The following ADGRV1 variants were observed in gnomAD, a reference collection of about 807,000 sequenced individuals.
ADGRV1 encodes the protein adhesion G protein-coupled receptor V1, also known as G-protein coupled receptor 98.
In ADGRV1, 359 loss-of-function variants were observed where a neutral mutation model predicts 596.2. The ratio of observed to expected loss-of-function variants is 0.60; its 90% CI spans 0.55 to 0.66. The LOEUF (loss-of-function observed/expected upper bound fraction) is 0.66, where lower values mean the gene tolerates loss of function less well. Among genes scored for constraint, ADGRV1 ranks in the 30% least tolerant of loss-of-function variants. ADGRV1 has a pLI of 0.00. For missense variants in ADGRV1, 7,274 were observed against 7,575.6 expected (o/e 0.96, Z 1.48); for synonymous variants, 2,681 against 2,679.2 (o/e 1.00, Z -0.02).
rs1220134462 is a variant in ADGRV1 at position 90,564,862 on chromosome 5, G to A, written c.22+5945G>A. 4.8e-4 allele frequency among the ~76,000 whole-genome samples: 13 copies of A among 26,884 alleles called. 2 individuals are homozygous for A. The highest frequency in any genetic ancestry group is 8.7e-4 in the Non-Finnish European group (12 of 13,744). The allele number at this position is 26,884 out of a possible 152,430, so 17.6% of individuals were successfully genotyped here. A position where few individuals can be genotyped will look rare whatever the true frequency, so the allele number is the denominator to read the frequency against. ...AGGATGGTCTCGATCTCCTGACCTC[G>A]TGATCCGCCCGCCTCGGCCTCCCAA... On this transcript the variant is annotated intron_variant, in intron 1 of 89. Transcript: ENST00000405460.
intron 49 of ADGRV1, among the ~76,000 whole-genome samples, chr5:90,729,169 A>G (rs1752198244): frequency 6.6e-6 from 1 of 152,186 alleles, no homozygotes; most frequent in Non-Finnish European, 1.5e-5. Context: ...ACAAAATTGG[A>G]AGTAGGTAGG....
In ADGRV1 at chr5:90,651,643, T is replaced by G; in HGVS notation, c.3329T>G (p.Ile1110Arg). ...VVYQYGVATV[I>R]IEANDDPNGI... ...TATCAATATGGAGTAGCTACAGTAA[T>G]AATTGAAGCTAATGATGACCCAAAT... is the stretch of plus-strand genomic sequence containing the variant. Residue 1110 changes from isoleucine to arginine, a missense_variant, in exon 18 of 90, where the codon ATA (isoleucine) becomes AGA (arginine). Coordinates refer to ENST00000405460, the MANE Select transcript of ADGRV1 (RefSeq NM_032119.4). 1 of 1,610,264 alleles carries G rather than the reference T, an allele frequency of 6.2e-7. No homozygotes were observed. Among genetic ancestry groups the G allele is most frequent in the Non-Finnish European group, 8.5e-7 (1 of 1,176,948 alleles).
chr5:90,865,914 G>A (rs555849987), intron 83 of ADGRV1, among the ~76,000 whole-genome samples: 4 of 151,996 alleles, frequency 2.6e-5, no homozygotes, highest in African/African-American at 7.2e-5. Context: ...TTCCAGCCTT[G>A]GATCTTTCAT....
At chr5:90,588,483 A>G (rs571174146) in intron 1 of ADGRV1, among the ~76,000 whole-genome samples, 82 of 152,358 alleles carry the variant, frequency 5.4e-4, no homozygotes, top group African/African-American at 2.0e-3. Flanking sequence ...GGTATTTTAA[A>G]TTACAGGTGA....
rs140007296 is a variant in ADGRV1 at position 91,062,771 on chromosome 5, G to A, written c.18153-9676G>A. Among the ~76,000 whole-genome samples the A allele has an allele frequency of 5.9e-5, 9 of 152,090 alleles. No individual in the cohort carries two copies. The East Asian group carries it at 1.5e-3, about 26-fold the overall frequency. ...TTTTCTATCCCTTTTGCTTTCAGCT[G>A]TTTTTCTTTCTTGCTGGTTCTTCAG... On this transcript the variant is annotated intron_variant, in intron 85 of 89. Coordinates refer to ENST00000405460, the MANE Select transcript of ADGRV1 (RefSeq NM_032119.4).
chr5:90,562,767 A>G (rs1755027072), intron 1 of ADGRV1, among the ~76,000 whole-genome samples: 1 of 152,188 alleles, frequency 6.6e-6, no homozygotes, highest in Admixed American at 6.5e-5. Context: ...TTGAAGTAAT[A>G]CTCACAAAAT....
chr5:91,108,297 T>G (rs1318217181), intron 87 of ADGRV1, among the ~76,000 whole-genome samples: 1 of 152,168 alleles, frequency 6.6e-6, no homozygotes, highest in African/African-American at 2.4e-5. Context: ...TAAACACTTG[T>G]TTGTTTTTTT....
intron 85 of ADGRV1, among the ~76,000 whole-genome samples, chr5:91,020,675 A>C (rs1783561709): frequency 6.6e-6 from 1 of 152,024 alleles, no homozygotes; most frequent in Non-Finnish European, 1.5e-5. Context: ...CACATCCATC[A>C]AGATGGCTTT....
At chr5:90,680,757 A>G (rs1383649680) in intron 26 of ADGRV1, among the ~76,000 whole-genome samples, 1 of 152,222 alleles carries the variant, frequency 6.6e-6, no homozygotes, top group African/African-American at 2.4e-5. Flanking sequence ...AAATTTGAAC[A>G]TACTTTTTAG....
At position 90,783,341 on chromosome 5, in the gene ADGRV1, AT is replaced by A. The variant is rs1468322506; in HGVS notation, c.13433+17del. 6.6e-7 allele frequency: 1 copy of A among 1,514,608 alleles called. No homozygotes were observed. Among genetic ancestry groups the A allele is most frequent in the Admixed American group, 1.7e-5 (1 of 58,396 alleles). The allele number at this position is 1,514,608 out of a possible 1,614,324, so 93.8% of individuals were successfully genotyped here. A position where few individuals can be genotyped will look rare whatever the true frequency, so the allele number is the denominator to read the frequency against. On this transcript the variant is annotated intron_variant, in intron 66 of 89. Coordinates refer to ENST00000405460, the MANE Select transcript of ADGRV1 (RefSeq NM_032119.4). ...ACAATGAAAGGTTGGTATATAGAAA[AT>A]AATGTGGGCACATATAAGACATAAG...
At position 90,750,229 on chromosome 5, in the gene ADGRV1, T is replaced by C. The variant is rs141259500; in HGVS notation, c.10975-322T>C. Among the ~76,000 whole-genome samples, 1,044 of 152,292 alleles carry C rather than the reference T, an allele frequency of 6.9e-3. 7 individuals are homozygous for C. Among genetic ancestry groups the C allele is most frequent in the African/African-American group, 0.023 (965 of 41,562 alleles). ...AACTTTTTACATGCTATGAATACTT[T>C]TACAAAAGTACACGCTTTCTGAGTA... On this transcript the variant is annotated intron_variant, in intron 52 of 89. Coordinates refer to ENST00000405460, the MANE Select transcript of ADGRV1 (RefSeq NM_032119.4).
chr5:91,005,921 T>G (rs1373419784), intron 85 of ADGRV1, among the ~76,000 whole-genome samples: 1 of 152,162 alleles, frequency 6.6e-6, no homozygotes, highest in Non-Finnish European at 1.5e-5. Flanking sequence ...TCAGGAATTT[T>G]TAAATCCCTG....
intron 87 of ADGRV1, among the ~76,000 whole-genome samples, chr5:91,129,444 T>C (rs1794031123): frequency 6.6e-6 from 1 of 152,200 alleles, no homozygotes; most frequent in Non-Finnish European, 1.5e-5. Flanking sequence ...CTCTCAAGTA[T>C]ATTTTAAAGT....
chr5:91,131,608 G>GC (rs1173051125), intron 87 of ADGRV1, among the ~76,000 whole-genome samples: 1 of 151,884 alleles, frequency 6.6e-6, no homozygotes, highest in Admixed American at 6.6e-5. Flanking sequence ...GAGCCACCAT[G>GC]CCCGGCCTTT....
intron 70 of ADGRV1, among the ~76,000 whole-genome samples, chr5:90,794,234 A>G (rs1403443083): frequency 1.3e-5 from 2 of 152,178 alleles, no homozygotes; most frequent in East Asian, 3.9e-4. Context: ...TTAACAGGGT[A>G]GGTTTCCATT....
chr5:90,769,767 A>T (rs1757500247), intron 59 of ADGRV1, among the ~76,000 whole-genome samples: 2 of 152,158 alleles, frequency 1.3e-5, no homozygotes, highest in Non-Finnish European at 2.9e-5. Context: ...ATATACATTT[A>T]AAAAATTTTG....
At chr5:90,902,962 A>G (rs1182584576) in intron 83 of ADGRV1, among the ~76,000 whole-genome samples, 1 of 152,146 alleles carries the variant, frequency 6.6e-6, no homozygotes, top group East Asian at 1.9e-4. Flanking sequence ...AGGGATGGAA[A>G]AATCCCTTAT....
chr5:90,794,927 T>A (rs1020092842), intron 70 of ADGRV1, among the ~76,000 whole-genome samples: 8 of 151,924 alleles, frequency 5.3e-5, no homozygotes, highest in Non-Finnish European at 1.2e-4. Context: ...GGACTGAGCC[T>A]GAAGAACCAT....
chr5:90,897,235 A>G (rs781645104), intron 83 of ADGRV1, among the ~76,000 whole-genome samples: 1 of 152,356 alleles, frequency 6.6e-6, no homozygotes, highest in African/African-American at 2.4e-5. Context: ...TTTTAGTTTT[A>G]TAGATTTAGT....
Sources: gnomAD v4.1 joint callset for allele counts (sites outside exome capture counted in the v4.1 genomes callset) on GRCh38, gnomAD v4.1.1 for gene constraint, MANE v1.5 for transcripts, NCBI Gene and HGNC (gene_info 2026-07-23, HGNC 2026-07-21) for gene names.